The following BFAR variants were observed in gnomAD, a reference collection of about 807,000 sequenced individuals.
The protein encoded by BFAR is RING finger protein 47.
A neutral mutation model predicts 54.4 loss-of-function variants in BFAR; 52 were observed. That is an observed-to-expected ratio of 0.96 (90% CI 0.77 to 1.21). BFAR has a LOEUF of 1.21. BFAR is among the 50% of genes most tolerant of loss of function. The pLI is 0.00. For missense variants in BFAR, 571 were observed against 534.0 expected, an observed-to-expected ratio of 1.07 and a Z score of -0.68; for synonymous variants, 215 against 204.3, an observed-to-expected ratio of 1.05 and a Z score of -0.45.
At chr16:14,647,141 A>G (rs546217940) in intron 2 of BFAR, among the ~76,000 whole-genome samples, 12 of 151,220 alleles carry the variant, frequency 7.9e-5, no homozygotes, top group Admixed American at 5.3e-4. Flanking sequence ...CTGGAGTGCA[A>G]TGGTGCGATC....
Position 14,668,035 on chromosome 16 carries a change from T to A in BFAR, c.*208T>A. 1.7e-6 allele frequency: 1 copy of A among 573,446 alleles called. No individual in the cohort carries two copies. Among genetic ancestry groups the A allele is most frequent in the Non-Finnish European group, 3.1e-6 (1 of 327,642 alleles). The allele number at this position is 573,446 out of a possible 1,614,324, so 35.5% of individuals were successfully genotyped here. On this transcript the variant is annotated 3_prime_UTR_variant, in exon 8 of 8. Transcript: ENST00000261658. ...ACTGACATCCGCACAGGGAGGATTG[T>A]CTGTTTGGCTGACACAGCAGCAGCC...
At chr16:14,646,726 G>C (rs891546968) in intron 2 of BFAR, among the ~76,000 whole-genome samples, 2 of 150,578 alleles carry the variant, frequency 1.3e-5, no homozygotes, top group African/African-American at 4.9e-5. Flanking sequence ...TCATACTCCC[G>C]ACCTCAGGTG....
chr16:14,667,790 T>A lies in BFAR; in HGVS notation c.1316T>A (p.Val439Asp), dbSNP rs1182518437. The A allele has an allele frequency of 6.2e-7, 1 of 1,614,122 alleles. No individual in the cohort carries two copies. Among genetic ancestry groups the A allele is most frequent in the Non-Finnish European group, 8.5e-7 (1 of 1,180,022 alleles). The part of the protein sequence containing the change: ...FNPIINIDLV[V>D]KELRRLETQV... ...CCAATTATTAACATTGATCTTGTGG[T>A]CAAGGAACTCCGGCGGCTGGAAACC... The change falls in exon 8 of 8, where the codon GTC (valine) becomes GAC (aspartate). Residue 439 changes from valine to aspartate, a missense_variant. Val to Asp is a radical substitution (Grantham distance 152, BLOSUM62 -3). Transcript: ENST00000261658.
rs753783830 is a variant in BFAR, at chr16:14,664,390, C to CAAA, written c.958-461_958-459dup. On this transcript the variant is annotated intron_variant, in intron 6 of 7. Transcript: ENST00000261658. The stretch of plus-strand genomic sequence containing the variant: ...TGGGTAACAGATCAAGACTCCGTCT[C>CAAA]AAAAAAAAAAAAAAAAAAAACAATT... Among the ~76,000 whole-genome samples, 70 of 57,964 alleles carry CAAA rather than the reference C, an allele frequency of 1.2e-3. 2 individuals are homozygous for CAAA. In the East Asian group the frequency reaches 0.016, roughly 14 times the overall value. 38.0% of individuals were successfully genotyped at this position (57,964 alleles called of 152,430 possible).
intron 4 of BFAR, among the ~76,000 whole-genome samples, chr16:14,654,775 A>G (rs983171417): frequency 1.3e-5 from 2 of 152,198 alleles, no homozygotes; most frequent in African/African-American, 4.8e-5. Flanking sequence ...GATTATAGGC[A>G]TGAGCCACTG....
At chr16:14,642,256 T>C (rs375987268) in intron 1 of BFAR, among the ~76,000 whole-genome samples, 17 of 152,316 alleles carry the variant, frequency 1.1e-4, no homozygotes, top group African/African-American at 2.9e-4. Context: ...ATTTACACCA[T>C]ACAAATTTTG....
Position 14,667,839 on chromosome 16 carries a change from C to T in BFAR, c.*12C>T, listed in dbSNP as rs1407269954. ...CCCAGGTGTTGTGACTGGCACTGCC[C>T]AGGCTGAGACTCTTCAAGTCCCGCT... On this transcript the variant is annotated 3_prime_UTR_variant, in exon 8 of 8. Coordinates refer to ENST00000261658, the MANE Select transcript of BFAR (RefSeq NM_016561.3). 1.2e-6 allele frequency: 2 copies of T among 1,610,920 alleles called. No individual in the cohort carries two copies. Among genetic ancestry groups the T allele is most frequent in the African/African-American group, 1.3e-5 (1 of 74,830 alleles).
chr16:14,661,892 G>T lies in BFAR; in HGVS notation c.784G>T (p.Ala262Ser). The change falls in exon 6 of 8, where the codon GCT becomes TCT. Residue 262 changes from alanine to serine, a missense_variant and splice_region_variant. Coordinates refer to ENST00000261658, the MANE Select transcript of BFAR (RefSeq NM_016561.3). ...GGCCCTGTACTCTTCTCCTCTGCAG[G>T]CTGTGAACCCAGGCAGGTCCCTGTT... is the stretch of plus-strand genomic sequence containing the variant. ...KPPQNLWEYK[A>S]VNPGRSLFLL... 3.7e-6 allele frequency: 6 copies of T among 1,614,078 alleles called. No homozygotes were observed. Among genetic ancestry groups the T allele is most frequent in the Non-Finnish European group, 5.1e-6 (6 of 1,179,998 alleles).
Position 14,655,084 on chromosome 16 carries a change from A to G in BFAR, c.657A>G (p.Thr219=), listed in dbSNP as rs1227099563. ...RVNGRLLLTL[T]EEEFSKTPYT... ...TCTACAGGTTGCTTTTAACTTTGAC[A>G]GAGGAAGAATTTTCCAAGACGCCCT... The change falls in exon 5 of 8, where the codon ACA becomes ACG. Residue 219 remains threonine (T), a synonymous_variant. Transcript: ENST00000261658. 4 of 1,606,718 alleles carry G rather than the reference A, an allele frequency of 2.5e-6. No individual in the cohort carries two copies. The highest frequency in any genetic ancestry group is 1.7e-4 in the Middle Eastern group (1 of 6,038).
At chr16:14,657,759 C>G (rs1960170016) in intron 5 of BFAR, among the ~76,000 whole-genome samples, 1 of 151,298 alleles carries the variant, frequency 6.6e-6, no homozygotes, top group Admixed American at 6.6e-5. Flanking sequence ...CCAGGCTAGT[C>G]TTGAACTCCT....
chr16:14,651,239 C>T (rs1232421388), intron 4 of BFAR, among the ~76,000 whole-genome samples: 1 of 152,200 alleles, frequency 6.6e-6, no homozygotes, highest in Non-Finnish European at 1.5e-5. Flanking sequence ...TTGGGGTTCC[C>T]ATGATTCCCT....
intron 4 of BFAR, among the ~76,000 whole-genome samples, chr16:14,651,685 G>A (rs892554302): frequency 1.2e-4 from 18 of 151,806 alleles, no homozygotes; most frequent in African/African-American, 3.9e-4. Flanking sequence ...TTGCCATGTC[G>A]CCCAGTCTGA....
At chr16:14,647,752 T>G (rs769745968) in intron 2 of BFAR, among the ~76,000 whole-genome samples, 1 of 152,168 alleles carries the variant, frequency 6.6e-6, no homozygotes, top group Non-Finnish European at 1.5e-5. Flanking sequence ...TCTGCATGGT[T>G]CTGCAGTTTA....
chr16:14,643,598 A>C (rs1412713820), intron 1 of BFAR, among the ~76,000 whole-genome samples: 1 of 152,054 alleles, frequency 6.6e-6, no homozygotes, highest in Non-Finnish European at 1.5e-5. Flanking sequence ...GCGAAACTGC[A>C]TCTCTACTAA....
At chr16:14,640,887 A>G (rs1959604190) in intron 1 of BFAR, among the ~76,000 whole-genome samples, 1 of 152,220 alleles carries the variant, frequency 6.6e-6, no homozygotes, top group Non-Finnish European at 1.5e-5. Flanking sequence ...GTGGCACAGA[A>G]TTCAGACTTC....
intron 1 of BFAR, among the ~76,000 whole-genome samples, chr16:14,640,933 A>G (rs1200978515): frequency 6.6e-6 from 1 of 152,144 alleles, no homozygotes; most frequent in Non-Finnish European, 1.5e-5. Flanking sequence ...TGTAGACCCA[A>G]CTTTTTATTC....
chr16:14,657,974 A>G (rs1375243942), intron 5 of BFAR, among the ~76,000 whole-genome samples: 1 of 151,882 alleles, frequency 6.6e-6, no homozygotes, highest in Non-Finnish European at 1.5e-5. Flanking sequence ...TCCCACCTCA[A>G]CCTCCCAAGT....
chr16:14,664,334 T>C (rs1290704199), intron 6 of BFAR, among the ~76,000 whole-genome samples: 1 of 141,694 alleles, frequency 7.1e-6, no homozygotes, highest in Non-Finnish European at 1.5e-5. Context: ...GAGGCTGCAG[T>C]GAGCCGAGAT....
intron 6 of BFAR, 94 bp from the exon 7 acceptor site, chr16:14,664,775 C>G: frequency 8.2e-7 from 1 of 1,216,254 alleles, no homozygotes; most frequent in Non-Finnish European, 1.2e-6. Flanking sequence ...GGTGGGATTA[C>G]AGGTGTGAGC....
Sources: gnomAD v4.1 joint callset for allele counts (sites outside exome capture counted in the v4.1 genomes callset) on GRCh38, gnomAD v4.1.1 for gene constraint, MANE v1.5 for transcripts, NCBI Gene and HGNC (gene_info 2026-07-23, HGNC 2026-07-21) for gene names.